Variants in PIK3C2B observed in about 807,000 individuals in gnomAD.
PIK3C2B encodes phosphatidylinositol-4-phosphate 3-kinase catalytic subunit type 2 beta.
A neutral mutation model predicts 184.3 loss-of-function variants in PIK3C2B; 83 were observed. That is an observed-to-expected ratio of 0.45 (90% CI 0.38 to 0.54). The LOEUF (loss-of-function observed/expected upper bound fraction) is 0.54. Among genes scored for constraint, PIK3C2B ranks in the 20% least tolerant of loss-of-function variants. The pLI, the probability that PIK3C2B is intolerant of heterozygous loss-of-function variation, is 0.00. For missense variants in PIK3C2B, 1,736 were observed against 2,113.5 expected (o/e 0.82, Z 3.50); for synonymous variants, 779 against 837.6 (o/e 0.93, Z 1.21).
At position 204,429,987 on chromosome 1, in the gene PIK3C2B, C is replaced by G. The variant is rs150362646; in HGVS notation, c.4332G>C (p.Glu1444Asp). Reference protein sequence around the residue: ...IGRSRGEAVAERRREELNGYI... With the variant: ...IGRSRGEAVADRRREELNGYI... ...AACCGTTTAGCTCCTCCCTCCGCCGCTCGGCCACCGCCTCTCCCCGGGAGC... is the reference window on the plus strand; with the variant it reads ...AACCGTTTAGCTCCTCCCTCCGCCGGTCGGCCACCGCCTCTCCCCGGGAGC... Residue 1444 changes from glutamate (E) to aspartate (D), a missense_variant, in exon 29 of 33, where the codon GAG becomes GAC. By Grantham distance (45) the Glu-to-Asp change is conservative. Around this residue, in one of 8 missense-constraint regions of PIK3C2B, gnomAD observed 200 missense variants for 199.1 expected, o/e 1.00. Transcript: ENST00000684373. 7.4e-5 allele frequency: 119 copies of G among 1,612,042 alleles called. No homozygotes were observed. The highest frequency in any genetic ancestry group is 9.9e-5 in the Non-Finnish European group (117 of 1,179,972).
intron 2 of PIK3C2B, among the ~76,000 whole-genome samples, chr1:204,466,459 C>T (rs1171680216): frequency 7.0e-6 from 1 of 143,594 alleles, no homozygotes; most frequent in Non-Finnish European, 1.5e-5. Flanking sequence ...GTTAGGCTTG[C>T]TCCCCTGGGT....
rs560109026 is a variant in PIK3C2B at position 204,451,878 on chromosome 1, TAC to T, written c.2067-1863_2067-1862del. Among the ~76,000 whole-genome samples the T allele has an allele frequency of 1.4e-3, 210 of 152,350 alleles. 1 individual carries two copies. Among genetic ancestry groups the T allele is most frequent in the African/African-American group, 4.6e-3 (190 of 41,574 alleles). ...AGAAGCCTGTGCCAAGTACTTTATTTACAGTGTCCTAACTGCTCCTCAAACAA... is the reference window on the plus strand; with the variant it reads ...AGAAGCCTGTGCCAAGTACTTTATTTAGTGTCCTAACTGCTCCTCAAACAA... On this transcript the variant is annotated intron_variant, in intron 12 of 32. Transcript: ENST00000684373.
At chr1:204,441,598 G>A (rs1349350160) in intron 20 of PIK3C2B, 35 bp from the exon 21 acceptor site, 1 of 1,481,012 alleles carries the variant, frequency 6.8e-7, no homozygotes, top group African/African-American at 1.4e-5. Flanking sequence ...GAGGGTCAGA[G>A]TGGCCCATGC....
intron 1 of PIK3C2B, among the ~76,000 whole-genome samples, chr1:204,484,395 C>CT (rs1281552961): frequency 6.6e-6 from 1 of 152,142 alleles, no homozygotes; most frequent in Non-Finnish European, 1.5e-5. Context: ...ACTTCATGGT[C>CT]TTTTTCCCAT....
intron 12 of PIK3C2B, among the ~76,000 whole-genome samples, chr1:204,450,440 C>T (rs186257844): frequency 9.3e-4 from 141 of 152,200 alleles, no homozygotes; most frequent in Non-Finnish European, 1.1e-3. Flanking sequence ...TTGACAGTCT[C>T]CATCCCTCCC....
chr1:204,454,511 A>C, intron 12 of PIK3C2B, 158 bp downstream of exon 12: 8 of 613,884 alleles, frequency 1.3e-5, no homozygotes, highest in East Asian at 6.0e-5. Context: ...GAGTCAGGGA[A>C]GTGGAGACTC....
intron 1 of PIK3C2B, among the ~76,000 whole-genome samples, chr1:204,471,693 C>T (rs144387343): frequency 0.017 from 2,491 of 145,468 alleles, 118 homozygotes; most frequent in African/African-American, 0.063. Context: ...GATGGCTTCA[C>T]TGGTATTCTC....
rs1231971542 is a variant in PIK3C2B, at chr1:204,464,267, T to C, written c.1190-135A>G. ...CCAACCAGATAAAGCAGGCAAGTAGTTCAGAGTTGAGGAAAGTGACTGTAC... is the reference window on the plus strand; with the variant it reads ...CCAACCAGATAAAGCAGGCAAGTAGCTCAGAGTTGAGGAAAGTGACTGTAC... On this transcript the variant is annotated intron_variant, in intron 4 of 32. Transcript: ENST00000684373. The C allele has an allele frequency of 3.3e-6, 4 of 1,206,048 alleles. No individual in the cohort carries two copies. In the South Asian group the frequency reaches 4.3e-5, roughly 13 times the overall value. 74.7% of individuals were successfully genotyped at this position (1,206,048 alleles called of 1,614,324 possible).
intron 1 of PIK3C2B, among the ~76,000 whole-genome samples, chr1:204,477,700 C>T (rs1435792788): frequency 1.3e-5 from 2 of 152,202 alleles, no homozygotes; most frequent in Non-Finnish European, 1.5e-5. Context: ...GGCACCCTAA[C>T]AGAATTGTTC....
intron 1 of PIK3C2B, among the ~76,000 whole-genome samples, chr1:204,485,709 G>A (rs1031200255): frequency 6.6e-6 from 1 of 151,960 alleles, no homozygotes; most frequent in Non-Finnish European, 1.5e-5. Context: ...CTGAGAAGCT[G>A]GGACTACAGA....
chr1:204,472,717 T>G (rs1293320906), intron 1 of PIK3C2B, among the ~76,000 whole-genome samples: 2 of 151,234 alleles, frequency 1.3e-5, no homozygotes, highest in African/African-American at 4.9e-5. Context: ...GAGGCGGAGG[T>G]TGCAGTGAGC....
At position 204,424,981 on chromosome 1, in the gene PIK3C2B, C is replaced by A. The variant is rs760252668; in HGVS notation, c.4776G>T (p.Val1592=). 1.4e-5 allele frequency: 23 copies of A among 1,614,010 alleles called. No homozygotes were observed. The highest frequency in any genetic ancestry group is 3.3e-5 in the Admixed American group (2 of 60,008). Residue 1592 remains valine, a synonymous_variant, in exon 33 of 33, where the codon GTG becomes GTT. Transcript: ENST00000684373. ...DLQQRELQLS[V]LSEQGFWENV... ...TCTCCCAGAATCCCTGCTCACTCAGCACGCTCAGCTGGAGCTCCCGCTGCT... is the reference window on the plus strand; with the variant it reads ...TCTCCCAGAATCCCTGCTCACTCAGAACGCTCAGCTGGAGCTCCCGCTGCT...
rs543220134 is a variant in PIK3C2B at position 204,478,262 on chromosome 1, C to T, written c.-84-8376G>A. Among the ~76,000 whole-genome samples the T allele has an allele frequency of 5.3e-5, 8 of 152,252 alleles. No homozygotes were observed. In the South Asian group the frequency reaches 1.7e-3, roughly 32 times the overall value. ...CCCAGCACCCACACTCACCCATACC[C>T]CCAATCCCACCTCCTTTGCAGCCAG... On this transcript the variant is annotated intron_variant, in intron 1 of 32. Coordinates refer to ENST00000684373, the MANE Select transcript of PIK3C2B (RefSeq NM_001377334.1).
chr1:204,444,936 T>A (rs1490390785), intron 16 of PIK3C2B, among the ~76,000 whole-genome samples: 1 of 152,138 alleles, frequency 6.6e-6, no homozygotes, highest in Non-Finnish European at 1.5e-5. Context: ...TTAAGGCAGG[T>A]CACATGGATA....
At chr1:204,432,833 G>C (rs1675138864) in intron 26 of PIK3C2B, among the ~76,000 whole-genome samples, 1 of 152,134 alleles carries the variant, frequency 6.6e-6, no homozygotes, top group Non-Finnish European at 1.5e-5. Context: ...AAAAAGAGTG[G>C]AGAACATTAT....
Position 204,439,089 on chromosome 1 carries a change from G to C in PIK3C2B, c.3380-18C>G. ...CACCATCCCTGTGAGGGGAGAAATG[G>C]GGGTCACGTTCCAGACCAGAATGAA... On this transcript the variant is annotated intron_variant, in intron 22 of 32. Coordinates refer to ENST00000684373, the MANE Select transcript of PIK3C2B (RefSeq NM_001377334.1). 1 of 1,611,998 alleles carries C rather than the reference G, an allele frequency of 6.2e-7. No homozygotes were observed. The highest frequency in any genetic ancestry group is 1.7e-5 in the Admixed American group (1 of 59,970).
intron 1 of PIK3C2B, among the ~76,000 whole-genome samples, chr1:204,479,378 C>G (rs751551852): frequency 7.2e-5 from 11 of 152,074 alleles, no homozygotes; most frequent in Non-Finnish European, 1.6e-4. Context: ...GGTAGGGGGA[C>G]AGGGAAGGTC....
At position 204,469,018 on chromosome 1, in the gene PIK3C2B, G is replaced by T; in HGVS notation, c.785C>A (p.Pro262Gln). The T allele has an allele frequency of 6.2e-7, 1 of 1,614,158 alleles. No individual in the cohort carries two copies. The highest frequency in any genetic ancestry group is 8.5e-7 in the Non-Finnish European group (1 of 1,180,018). ...AGAGGTGTCTTTGCTGAAGTCCAGC[G>T]GCCCTCGGCCCTCCTTCCAGCCCCT... ...ATRGWKEGRG[P>Q]LDFSKDTSGK... The change falls in exon 2 of 33, where the codon CCG (proline) becomes CAG (glutamine). Residue 262 changes from proline to glutamine, a missense_variant. Pro to Gln is a moderately conservative substitution (Grantham distance 76, BLOSUM62 -1). Coordinates refer to ENST00000684373, the MANE Select transcript of PIK3C2B (RefSeq NM_001377334.1).
chr1:204,457,717 G>C lies in PIK3C2B; in HGVS notation c.1713+11C>G, dbSNP rs969197448. On this transcript the variant is annotated intron_variant, in intron 9 of 32. Coordinates refer to ENST00000684373, the MANE Select transcript of PIK3C2B (RefSeq NM_001377334.1). ...CTTCCTTTCCCCTGCTAGCACCCTG[G>C]GCCCCTTTACCTTCTGAATTTTAGG... 15 of 1,596,014 alleles carry C rather than the reference G, an allele frequency of 9.4e-6. No homozygotes were observed. In the East Asian group the frequency reaches 3.4e-4, roughly 36 times the overall value.
Sources: allele counts gnomAD v4.1 joint callset (sites outside exome capture counted in the v4.1 genomes callset), GRCh38; gene constraint gnomAD v4.1.1; regional missense constraint gnomAD v4.1.1; transcripts MANE v1.5; gene names NCBI Gene and HGNC (gene_info 2026-07-23, HGNC 2026-07-21).